Variants in KLHL13 observed in about 807,000 individuals in gnomAD.
The protein encoded by KLHL13 is kelch like family member 13.
In KLHL13, 10 loss-of-function variants were observed where a neutral mutation model predicts 37.1. The ratio of observed to expected loss-of-function variants is 0.27; its 90% CI spans 0.17 to 0.46. The LOEUF is 0.46. Ranked by LOEUF, KLHL13 falls within the 20% of genes least tolerant of loss-of-function variation. The probability of loss-of-function intolerance (pLI) is 1.00; values close to 1 mark genes in which losing one functional copy is unlikely to be tolerated. For synonymous variants in KLHL13, 163 were observed against 181.2 expected, an observed-to-expected ratio of 0.90 and a Z score of 0.81; for missense variants, 360 against 509.3, an observed-to-expected ratio of 0.71 and a Z score of 2.82.
At chrX:117,967,308 T>G (rs183220985) in intron 1 of KLHL13, among the ~76,000 whole-genome samples, 8 of 111,907 alleles carry the variant, frequency 7.1e-5, no homozygotes, top group African/African-American at 2.6e-4. Flanking sequence ...ATGGCAGCCA[T>G]GTCAATCTAA....
intron 1 of KLHL13, among the ~76,000 whole-genome samples, chrX:117,997,795 C>A (rs2053872102): frequency 9.0e-6 from 1 of 111,684 alleles, no homozygotes; most frequent in South Asian, 3.8e-4. Flanking sequence ...TCTAATAATT[C>A]TATGTATTGA....
At chrX:118,058,029 A>G (rs2054703773) in intron 1 of KLHL13, among the ~76,000 whole-genome samples, 1 of 111,362 alleles carries the variant, frequency 9.0e-6, no homozygotes. Context: ...CACGTTTTCT[A>G]GGCTTTTTAG....
chrX:118,084,416 T>G (rs1481370962), intron 1 of KLHL13, among the ~76,000 whole-genome samples: 2 of 111,783 alleles, frequency 1.8e-5, no homozygotes, highest in Admixed American at 1.9e-4. Context: ...CATGAATATA[T>G]TAGAAATAAA....
intron 1 of KLHL13, among the ~76,000 whole-genome samples, chrX:118,091,968 C>T (rs2148152381): frequency 8.9e-6 from 1 of 111,837 alleles, no homozygotes; most frequent in East Asian, 2.8e-4. Context: ...GGAAAACCAC[C>T]AAACATCATG....
At chrX:118,025,740 A>T (rs751329286) in intron 1 of KLHL13, among the ~76,000 whole-genome samples, 1 of 112,151 alleles carries the variant, frequency 8.9e-6, no homozygotes, top group South Asian at 3.7e-4. Context: ...AACTTAAAAC[A>T]AAATTAATTT....
chrX:117,941,317 C>T (rs1434231030), intron 2 of KLHL13, among the ~76,000 whole-genome samples: 1 of 111,506 alleles, frequency 9.0e-6, no homozygotes, highest in Non-Finnish European at 1.9e-5. Context: ...GTTGTCTCTG[C>T]CAGGTTTTGG....
chrX:117,973,310 C>A, exon 1 of KLHL13: 1 of 968,916 alleles, frequency 1.0e-6, no homozygotes, highest in Non-Finnish European at 1.3e-6. Flanking sequence ...AACAACATAC[C>A]TACTCAGAAT....
At chrX:118,116,620 G>C (rs1044521899) in exon 1 of KLHL13, 7 of 112,092 alleles carry the variant, frequency 6.2e-5, no homozygotes, top group African/African-American at 2.3e-4. Context: ...CGAGGCACCA[G>C]CACCCGCACC....
intron 1 of KLHL13, chrX:117,985,211 G>A (rs1313968099): frequency 1.9e-6 from 2 of 1,054,710 alleles, no homozygotes; most frequent in African/African-American, 3.7e-5. Flanking sequence ...AGTAACAGCA[G>A]TAAATAAAGG....
chrX:118,013,693 A>G (rs910234374), intron 1 of KLHL13, among the ~76,000 whole-genome samples: 3 of 112,263 alleles, frequency 2.7e-5, no homozygotes, highest in Non-Finnish European at 5.6e-5. Flanking sequence ...AAGATAAATT[A>G]TAACAGATAT....
intron 1 of KLHL13, among the ~76,000 whole-genome samples, chrX:118,015,913 A>G (rs2054123316): frequency 9.0e-6 from 1 of 111,187 alleles, no homozygotes; most frequent in South Asian, 3.8e-4. Flanking sequence ...TTGGCTTACA[A>G]TTATTGCCAC....
chrX:117,933,228 A>T (rs1932555937), intron 2 of KLHL13, among the ~76,000 whole-genome samples: 1 of 111,549 alleles, frequency 9.0e-6, no homozygotes, highest in African/African-American at 3.3e-5. Context: ...AAAATAAAAA[A>T]ATTGATGTCA....
intron 1 of KLHL13, among the ~76,000 whole-genome samples, chrX:118,031,612 T>G (rs1178812710): frequency 1.0e-5 from 1 of 99,204 alleles, no homozygotes; most frequent in Admixed American, 1.2e-4. Context: ...TTTAGTTATA[T>G]ATATATTTAG....
At chrX:117,992,303 T>C (rs923497966) in intron 1 of KLHL13, among the ~76,000 whole-genome samples, 2 of 109,686 alleles carry the variant, frequency 1.8e-5, no homozygotes, top group African/African-American at 6.7e-5. Context: ...TATCACTCTG[T>C]CTTCTAGCCC....
chrX:118,027,383 C>T (rs111299884), intron 1 of KLHL13, among the ~76,000 whole-genome samples: 5 of 111,209 alleles, frequency 4.5e-5, no homozygotes, highest in African/African-American at 1.6e-4. Flanking sequence ...TTTTTCTTCA[C>T]TTAATAATGT....
At chrX:118,085,925 A>G (rs1486654697) in intron 1 of KLHL13, among the ~76,000 whole-genome samples, 1 of 108,627 alleles carries the variant, frequency 9.2e-6, no homozygotes, top group Non-Finnish European at 1.9e-5. Context: ...GTGCTGCAAT[A>G]AACATATGCA....
intron 1 of KLHL13, among the ~76,000 whole-genome samples, chrX:118,105,110 T>C (rs1237570532): frequency 8.9e-6 from 1 of 112,425 alleles, no homozygotes; most frequent in African/African-American, 3.2e-5. Context: ...TATGTACACA[T>C]AGCTTTGAGC....
intron 1 of KLHL13, among the ~76,000 whole-genome samples, chrX:118,025,724 T>C (rs758821757): frequency 3.6e-5 from 4 of 111,779 alleles, no homozygotes; most frequent in Non-Finnish European, 5.6e-5. Flanking sequence ...TGCACATGTA[T>C]CCCAGAACTT....
intron 1 of KLHL13, among the ~76,000 whole-genome samples, chrX:118,019,313 T>G (rs189041632): frequency 1.8e-5 from 2 of 111,628 alleles, no homozygotes; most frequent in Admixed American, 9.6e-5. Context: ...TCTGTTCATA[T>G]CCTTCGCCCA....
Sources: allele counts gnomAD v4.1 joint callset (sites outside exome capture counted in the v4.1 genomes callset), GRCh38; gene constraint gnomAD v4.1.1; transcripts MANE v1.5; gene names NCBI Gene and HGNC (gene_info 2026-07-23, HGNC 2026-07-21).